Variants in LDB2 observed in about 807,000 individuals in gnomAD.
LDB2 encodes LIM domain-binding protein 2.
LDB2 carries 12 observed loss-of-function variants against 44.3 expected under a neutral mutation model. The observed-to-expected ratio is 0.27, with a 90% CI of 0.17 to 0.44. The LOEUF (loss-of-function observed/expected upper bound fraction) is 0.44. Among genes scored for constraint, LDB2 ranks in the 20% least tolerant of loss-of-function variants. The pLI, the probability that LDB2 is intolerant of heterozygous loss-of-function variation, is 1.00. For missense variants in LDB2, 344 were observed against 473.5 expected, an observed-to-expected ratio of 0.73 and a Z score of 2.54; for synonymous variants, 164 against 174.8, an observed-to-expected ratio of 0.94 and a Z score of 0.49.
At chr4:16,849,016 C>G (rs1345733046) in intron 1 of LDB2, among the ~76,000 whole-genome samples, 2 of 152,240 alleles carry the variant, frequency 1.3e-5, no homozygotes, top group Non-Finnish European at 2.9e-5. Flanking sequence ...TCTCAAAGCA[C>G]TAAAATGAAA....
At chr4:16,711,400 G>T (rs774693273) in intron 2 of LDB2, among the ~76,000 whole-genome samples, 4 of 152,170 alleles carry the variant, frequency 2.6e-5, no homozygotes, top group Non-Finnish European at 4.4e-5. Flanking sequence ...GGGCAACTTG[G>T]GTAGCTCAGT....
intron 5 of LDB2, among the ~76,000 whole-genome samples, chr4:16,548,673 G>T (rs1736612095): frequency 1.3e-5 from 2 of 152,164 alleles, no homozygotes; most frequent in Admixed American, 1.3e-4. Context: ...TGAATGACAG[G>T]GTAAGCCGGA....
intron 2 of LDB2, among the ~76,000 whole-genome samples, chr4:16,697,440 C>T (rs1420156077): frequency 8.6e-5 from 13 of 151,360 alleles, no homozygotes; most frequent in African/African-American, 2.2e-4. Flanking sequence ...CCAGCCTGGG[C>T]GACAGAGCAA....
chr4:16,660,251 A>G (rs988964717), intron 2 of LDB2, among the ~76,000 whole-genome samples: 6 of 152,204 alleles, frequency 3.9e-5, no homozygotes, highest in Admixed American at 2.0e-4. Flanking sequence ...AATGTCTCTC[A>G]CAATTGTAGA....
At chr4:16,755,688 T>C (rs1766488246) in intron 2 of LDB2, among the ~76,000 whole-genome samples, 1 of 152,194 alleles carries the variant, frequency 6.6e-6, no homozygotes, top group Non-Finnish European at 1.5e-5. Context: ...ATGTTCTTTA[T>C]TCTACTGACC....
chr4:16,598,877 C>T (rs199516982), intron 2 of LDB2, among the ~76,000 whole-genome samples: 1 of 143,796 alleles, frequency 7.0e-6, no homozygotes, highest in African/African-American at 2.6e-5. Context: ...TTCTTTCTTT[C>T]TTTTTTTTTT....
chr4:16,721,581 G>A (rs1442808562), intron 2 of LDB2, among the ~76,000 whole-genome samples: 1 of 152,090 alleles, frequency 6.6e-6, no homozygotes, highest in East Asian at 1.9e-4. Context: ...CAAAAAAACT[G>A]AGGGGGAAAA....
intron 5 of LDB2, among the ~76,000 whole-genome samples, chr4:16,536,044 C>T (rs1334174721): frequency 2.0e-5 from 3 of 152,228 alleles, no homozygotes; most frequent in Non-Finnish European, 4.4e-5. Context: ...CCAATCCCAA[C>T]TATGCTTACT....
chr4:16,742,352 T>G (rs375301858), intron 2 of LDB2, among the ~76,000 whole-genome samples: 11 of 152,106 alleles, frequency 7.2e-5, no homozygotes, highest in South Asian at 2.1e-4. Context: ...TTACAGGCCT[T>G]AGCCACCGCG....
At chr4:16,646,374 C>T (rs1324848509) in intron 2 of LDB2, among the ~76,000 whole-genome samples, 8 of 152,264 alleles carry the variant, frequency 5.3e-5, no homozygotes. Flanking sequence ...ACTCTTTACT[C>T]CACTCTTTTA....
chr4:16,722,222 A>G (rs1384352104), intron 2 of LDB2, among the ~76,000 whole-genome samples: 2 of 152,094 alleles, frequency 1.3e-5, no homozygotes, highest in Admixed American at 6.6e-5. Flanking sequence ...TAGTTCAGAG[A>G]ATCCTTCCAA....
intron 2 of LDB2, among the ~76,000 whole-genome samples, chr4:16,674,643 G>C (rs1281172814): frequency 6.6e-6 from 1 of 152,170 alleles, no homozygotes; most frequent in Non-Finnish European, 1.5e-5. Flanking sequence ...TCAAACACTG[G>C]TCCGTCTGCT....
chr4:16,734,703 C>CTTTTTTT (rs539507998), intron 2 of LDB2, among the ~76,000 whole-genome samples: 3 of 129,382 alleles, frequency 2.3e-5, no homozygotes, highest in African/African-American at 2.9e-5. Context: ...TTCTTGTTTT[C>CTTTTTTT]TTTTTTTTTT....
intron 5 of LDB2, among the ~76,000 whole-genome samples, chr4:16,555,343 C>T (rs1342442152): frequency 6.6e-6 from 1 of 152,134 alleles, no homozygotes; most frequent in Non-Finnish European, 1.5e-5. Flanking sequence ...TGGGAAATTC[C>T]TTAGCATGGC....
At chr4:16,718,062 A>G (rs561802567) in intron 2 of LDB2, among the ~76,000 whole-genome samples, 181 of 152,276 alleles carry the variant, frequency 1.2e-3, no homozygotes, top group African/African-American at 4.1e-3. Flanking sequence ...AATTAATAAA[A>G]GATATCCATG....
chr4:16,518,005 C>G (rs935463962), intron 5 of LDB2, among the ~76,000 whole-genome samples: 1 of 152,130 alleles, frequency 6.6e-6, no homozygotes, highest in Non-Finnish European at 1.5e-5. Flanking sequence ...CCTGTGTGCT[C>G]TGAAGTGATG....
chr4:16,519,310 C>G lies in LDB2; in HGVS notation c.616-7206G>C, dbSNP rs368959735. The stretch of plus-strand genomic sequence containing the variant: ...ACAGGTGAGAAAACTCATACCCAAA[C>G]CCATTAAATCATCCAGAACTAGTGA... On this transcript the variant is annotated intron_variant, in intron 5 of 7. Transcript: ENST00000304523. Among the ~76,000 whole-genome samples the G allele has an allele frequency of 3.6e-4, 54 of 152,050 alleles. 1 individual carries two copies. The South Asian group carries it at 7.1e-3, about 20-fold the overall frequency.
intron 1 of LDB2, among the ~76,000 whole-genome samples, chr4:16,873,354 G>T (rs946340539): frequency 1.3e-5 from 2 of 152,136 alleles, no homozygotes; most frequent in Non-Finnish European, 2.9e-5. Flanking sequence ...AAGATGGATT[G>T]CCTCAAAATG....
intron 2 of LDB2, among the ~76,000 whole-genome samples, chr4:16,732,353 A>G (rs902585366): frequency 2.0e-5 from 3 of 152,222 alleles, no homozygotes; most frequent in African/African-American, 7.2e-5. Flanking sequence ...CATCCCCTGC[A>G]GAGCTCCAAA....
Sources: gnomAD v4.1 joint callset for allele counts (sites outside exome capture counted in the v4.1 genomes callset) on GRCh38, gnomAD v4.1.1 for gene constraint, MANE v1.5 for transcripts, NCBI Gene and HGNC (gene_info 2026-07-23, HGNC 2026-07-21) for gene names.